Variants in PGCKA1 observed in about 807,000 individuals in gnomAD.
The protein encoded by PGCKA1 is PDCD10 and GCKIII kinases associated 1.
At chr4:37,472,753 A>G in the PGCKA1 span, among the ~76,000 whole-genome samples, 3 of 152,082 alleles carry the variant, frequency 2.0e-5, no homozygotes, top group Non-Finnish European at 4.4e-5. Flanking sequence ...CTTTTATGCT[A>G]TTACATTTCT....
At chr4:37,460,638 A>G in the PGCKA1 span, 11,194 of 446,226 alleles carry the variant, frequency 0.025, 213 homozygotes, top group South Asian at 0.045. Context: ...TCCTCTTTTG[A>G]GAAGTGTCTG....
chr4:37,592,353 GAA>G, the PGCKA1 span, among the ~76,000 whole-genome samples: 5 of 108,168 alleles, frequency 4.6e-5, no homozygotes, highest in African/African-American at 9.7e-5. Flanking sequence ...CCATCTCTAT[GAA>G]AAAAAAAAAA....
chr4:37,492,090 G>T, the PGCKA1 span, among the ~76,000 whole-genome samples: 1 of 150,214 alleles, frequency 6.7e-6, no homozygotes, highest in Non-Finnish European at 1.5e-5. This position sits in a 1 kb window ranked among gnomAD's most constrained non-coding sequence, Gnocchi z 4.7. Context: ...CTACCAGGCT[G>T]GAGTGCAGTG....
chr4:37,529,916 T>C, the PGCKA1 span, among the ~76,000 whole-genome samples: 1 of 152,342 alleles, frequency 6.6e-6, no homozygotes, highest in Non-Finnish European at 1.5e-5. Flanking sequence ...GGTATTATTA[T>C]CTCGATTTTA....
the PGCKA1 span, among the ~76,000 whole-genome samples, chr4:37,571,355 CTTTTTTTTTTTTT>C: frequency 6.4e-5 from 5 of 78,036 alleles, no homozygotes; most frequent in Non-Finnish European, 1.1e-4. Context: ...GACTATTATC[CTTTTTTTTTTTTT>C]TTTTTTTTTT....
chr4:37,514,955 G>A, the PGCKA1 span, among the ~76,000 whole-genome samples: 9 of 152,334 alleles, frequency 5.9e-5, no homozygotes, highest in African/African-American at 2.2e-4. Flanking sequence ...GAAGGTGGAA[G>A]TATGGGCATT....
the PGCKA1 span, among the ~76,000 whole-genome samples, chr4:37,506,206 A>G: frequency 6.6e-6 from 1 of 151,682 alleles, no homozygotes; most frequent in Non-Finnish European, 1.5e-5. Context: ...AGGTTTGTCG[A>G]TTTTGTTTAA....
At chr4:37,482,222 G>A in the PGCKA1 span, among the ~76,000 whole-genome samples, 3 of 152,238 alleles carry the variant, frequency 2.0e-5, no homozygotes, top group Admixed American at 6.5e-5. Flanking sequence ...ACAGGCAGAC[G>A]TTGGAACAGT....
chr4:37,528,245 G>A, the PGCKA1 span, among the ~76,000 whole-genome samples: 211 of 152,208 alleles, frequency 1.4e-3, no homozygotes, highest in African/African-American at 4.8e-3. Flanking sequence ...TTTGACTCAG[G>A]GATTTTGTGT....
At chr4:37,505,674 A>T in the PGCKA1 span, among the ~76,000 whole-genome samples, 1 of 152,062 alleles carries the variant, frequency 6.6e-6, no homozygotes, top group African/African-American at 2.4e-5. Context: ...ATCAGATCTC[A>T]TGAGACTCAT....
the PGCKA1 span, among the ~76,000 whole-genome samples, chr4:37,454,427 A>G: frequency 6.6e-6 from 1 of 152,286 alleles, no homozygotes; most frequent in Admixed American, 6.5e-5. Context: ...AAGAGATTTT[A>G]CCTTAGATCT....
the PGCKA1 span, among the ~76,000 whole-genome samples, chr4:37,478,449 A>T: frequency 6.6e-6 from 1 of 152,168 alleles, no homozygotes; most frequent in African/African-American, 2.4e-5. Context: ...TGTTAGAAAA[A>T]AAAATGGATT....
At chr4:37,511,283 A>G in the PGCKA1 span, among the ~76,000 whole-genome samples, 2 of 151,964 alleles carry the variant, frequency 1.3e-5, no homozygotes, top group Non-Finnish European at 2.9e-5. Context: ...TCTCTCCCCA[A>G]AGCCACCACT....
At chr4:37,509,261 G>C in the PGCKA1 span, among the ~76,000 whole-genome samples, 6 of 76,144 alleles carry the variant, frequency 7.9e-5, no homozygotes, top group East Asian at 3.5e-4. Flanking sequence ...TGGCCAGGCA[G>C]AGGCGCCCCC....
At chr4:37,555,208 G>A in the PGCKA1 span, among the ~76,000 whole-genome samples, 1 of 152,168 alleles carries the variant, frequency 6.6e-6, no homozygotes, top group African/African-American at 2.4e-5. Flanking sequence ...GCATGGTAGG[G>A]CAAGTAGGGC....
the PGCKA1 span, among the ~76,000 whole-genome samples, chr4:37,546,569 G>A: frequency 0.028 from 4,291 of 152,310 alleles, 227 homozygotes; most frequent in African/African-American, 0.097. Flanking sequence ...CAGGGAGCTC[G>A]GATTTTAAGA....
the PGCKA1 span, among the ~76,000 whole-genome samples, chr4:37,461,976 A>G: frequency 2.6e-5 from 4 of 152,048 alleles, no homozygotes; most frequent in Admixed American, 1.3e-4. Flanking sequence ...TGTGCTTCCC[A>G]ACCTTCAGGC....
At chr4:37,465,650 C>G in the PGCKA1 span, among the ~76,000 whole-genome samples, 1 of 152,110 alleles carries the variant, frequency 6.6e-6, no homozygotes, top group Non-Finnish European at 1.5e-5. Context: ...TCATATCTAC[C>G]AGGTCCCTCT....
the PGCKA1 span, among the ~76,000 whole-genome samples, chr4:37,526,220 T>C: frequency 6.6e-6 from 1 of 152,246 alleles, no homozygotes; most frequent in Admixed American, 6.5e-5. Context: ...ATTTGGCTTC[T>C]TAATCAGATT....
Sources: allele counts gnomAD v4.1 joint callset (sites outside exome capture counted in the v4.1 genomes callset), GRCh38; gene constraint gnomAD v4.1.1; non-coding constraint Gnocchi (gnomAD v3.1); transcripts MANE v1.5; gene names NCBI Gene and HGNC (gene_info 2026-07-23, HGNC 2026-07-21).